TYW3: variants seen among roughly 807,000 people sequenced by gnomAD.
The protein encoded by TYW3 is tRNA-yW synthesizing protein 3 homolog.
In TYW3, 26 loss-of-function variants were observed where a neutral mutation model predicts 23.1. The observed-to-expected ratio is 1.13, with a 90% CI of 0.83 to 1.56. The LOEUF (loss-of-function observed/expected upper bound fraction) is 1.56, where lower values mean the gene tolerates loss of function less well. TYW3 is among the 40% of genes most tolerant of loss of function. The pLI is 0.00. For missense variants in TYW3, 316 were observed against 311.9 expected, an observed-to-expected ratio of 1.01 and a Z score of -0.10; for synonymous variants, 102 against 105.7, an observed-to-expected ratio of 0.97 and a Z score of 0.21.
At chr1:74,759,619 C>G (rs540729172) in intron 5 of TYW3, among the ~76,000 whole-genome samples, 1 of 152,058 alleles carries the variant, frequency 6.6e-6, no homozygotes, top group African/African-American at 2.4e-5. Flanking sequence ...TTACCACCCC[C>G]CTATGTAGTT....
chr1:74,738,623 A>T lies in TYW3; in HGVS notation c.256-67A>T, dbSNP rs540240280. 252 of 1,035,064 alleles carry T rather than the reference A, an allele frequency of 2.4e-4. No homozygotes were observed. The African/African-American group carries it at 3.8e-3, about 16-fold the overall frequency. 64.1% of individuals were successfully genotyped at this position (1,035,064 alleles called of 1,614,324 possible). A position where few individuals can be genotyped will look rare whatever the true frequency, so the allele number is the denominator to read the frequency against. On this transcript the variant is annotated intron_variant, in intron 2 of 5. Transcript: ENST00000370867. The stretch of plus-strand genomic sequence containing the variant: ...TTTCTAAGAGAAATTGAAGTTATGT[A>T]TGGGGTAAAGGGTCGCCAAAGGACA...
At chr1:74,736,192 T>A (rs1331754870) in intron 1 of TYW3, 3 of 157,446 alleles carry the variant, frequency 1.9e-5, no homozygotes, top group African/African-American at 7.2e-5. Context: ...TAAAATTATT[T>A]TTTTTTCATT....
intron 2 of TYW3, among the ~76,000 whole-genome samples, chr1:74,737,697 C>T (rs372974178): frequency 5.9e-5 from 9 of 152,170 alleles, no homozygotes; most frequent in African/African-American, 1.4e-4. Context: ...CAGACTACGC[C>T]GCAGGATACA....
At chr1:74,749,245 C>T (rs1648693602) in intron 4 of TYW3, among the ~76,000 whole-genome samples, 1 of 152,184 alleles carries the variant, frequency 6.6e-6, no homozygotes, top group African/African-American at 2.4e-5. Flanking sequence ...TAACTACTGT[C>T]GTAGGGCCAC....
chr1:74,742,380 T>C (rs1557743687), intron 3 of TYW3, among the ~76,000 whole-genome samples: 1 of 152,204 alleles, frequency 6.6e-6, no homozygotes, highest in Non-Finnish European at 1.5e-5. Context: ...TTCCACTGGC[T>C]GGCTTTGGGT....
chr1:74,736,906 G>C (rs1648175205), intron 2 of TYW3, among the ~76,000 whole-genome samples: 1 of 152,180 alleles, frequency 6.6e-6, no homozygotes, highest in African/African-American at 2.4e-5. Context: ...TTTTAATTCT[G>C]CTATTTGAAA....
chr1:74,760,026 A>G (rs72973628), intron 5 of TYW3, among the ~76,000 whole-genome samples: 4,709 of 152,328 alleles, frequency 0.031, 250 homozygotes, highest in African/African-American at 0.11. Context: ...TAAGCAGTTG[A>G]TTAGCACATG....
chr1:74,763,721 T>TAAAG (rs1438409260), intron 5 of TYW3, among the ~76,000 whole-genome samples, 173 bp from the exon 6 acceptor site: 1 of 152,144 alleles, frequency 6.6e-6, no homozygotes, highest in African/African-American at 2.4e-5. Flanking sequence ...GGGCTGTTCT[T>TAAAG]AAAGAACTGA....
At chr1:74,739,835 A>C (rs1338980260) in intron 3 of TYW3, among the ~76,000 whole-genome samples, 2 of 152,230 alleles carry the variant, frequency 1.3e-5, no homozygotes, top group African/African-American at 4.8e-5. Context: ...GTAAGGTGAT[A>C]GCACCAAAGC....
Position 74,766,233 on chromosome 1 carries a change from T to A in TYW3, c.*2120T>A, listed in dbSNP as rs1170376206. ...TTACTGGTTTGTGTCTTTGCTATGCTTTTTATCATTATTTTAGGGTATACT... is the reference window on the plus strand; with the variant it reads ...TTACTGGTTTGTGTCTTTGCTATGCATTTTATCATTATTTTAGGGTATACT... On this transcript the variant is annotated 3_prime_UTR_variant, in exon 6 of 6. Coordinates refer to ENST00000370867, the MANE Select transcript of TYW3 (RefSeq NM_138467.3). The A allele has an allele frequency of 3.3e-5, 5 of 152,126 alleles. No homozygotes were observed. The highest frequency in any genetic ancestry group is 1.2e-4 in the African/African-American group (5 of 41,444). The allele number at this position is 152,126 out of a possible 1,614,324, so 9.4% of individuals were successfully genotyped here.
In TYW3 at chr1:74,733,345, T is replaced by A; in HGVS notation, c.101T>A (p.Val34Glu). 6.2e-7 allele frequency: 1 copy of A among 1,614,216 alleles called. No individual in the cohort carries two copies. The highest frequency in any genetic ancestry group is 2.2e-5 in the East Asian group (1 of 44,878). The change falls in exon 1 of 6, where the codon GTG becomes GAG. Residue 34 changes from valine (V) to glutamate (E), a missense_variant. By Grantham distance (121) the Val-to-Glu change is moderately radical. Transcript: ENST00000370867. ...GSVDEDVVEL[V>E]QFLNMRDQFF... ...GTTGACGAGGATGTGGTAGAGCTTG[T>A]GCAGTTTCTGAACATGCGAGATCAG...
chr1:74,738,566 T>G, intron 2 of TYW3, 124 bp from the exon 3 acceptor site: 1 of 538,086 alleles, frequency 1.9e-6, no homozygotes, highest in Non-Finnish European at 3.1e-6. Flanking sequence ...GAAAAGTTAC[T>G]GCAGAAAAAA....
intron 5 of TYW3, among the ~76,000 whole-genome samples, chr1:74,760,459 T>C (rs1173200962): frequency 6.6e-6 from 1 of 152,234 alleles, no homozygotes; most frequent in Non-Finnish European, 1.5e-5. Context: ...CATGCCCCCA[T>C]CTTTTTTCCT....
At chr1:74,758,091 GAGTA>G (rs1458033593) in intron 5 of TYW3, among the ~76,000 whole-genome samples, 1 of 152,226 alleles carries the variant, frequency 6.6e-6, no homozygotes, top group Non-Finnish European at 1.5e-5. Flanking sequence ...GAAGATGAGA[GAGTA>G]AGAATTTCTG....
chr1:74,748,640 T>A (rs1648670657), intron 3 of TYW3, 111 bp from the exon 4 acceptor site: 9 of 1,144,278 alleles, frequency 7.9e-6, no homozygotes, highest in South Asian at 1.4e-5. Context: ...AAAATTTTTT[T>A]AAAAACCTTA....
Position 74,766,339 on chromosome 1 carries a change from G to A in TYW3, c.*2226G>A, listed in dbSNP as rs1406964806. 1 of 152,058 alleles carries A rather than the reference G, an allele frequency of 6.6e-6. No homozygotes were observed. Among genetic ancestry groups the A allele is most frequent in the Non-Finnish European group, 1.5e-5 (1 of 68,024 alleles). 9.4% of individuals were successfully genotyped at this position (152,058 alleles called of 1,614,324 possible). A position where few individuals can be genotyped will look rare whatever the true frequency, so the allele number is the denominator to read the frequency against. On this transcript the variant is annotated 3_prime_UTR_variant, in exon 6 of 6. Transcript: ENST00000370867. ...GAAGAAGGCATTGTTATCATAGAAG[G>A]TGACAGCTTCATGTGTGTTATTGCC...
intron 3 of TYW3, among the ~76,000 whole-genome samples, chr1:74,741,436 G>A (rs1648359181): frequency 1.3e-5 from 2 of 151,956 alleles, no homozygotes; most frequent in Admixed American, 1.3e-4. Context: ...ATTTAACTGG[G>A]GTGTGGTGAA....
intron 5 of TYW3, among the ~76,000 whole-genome samples, chr1:74,760,183 G>A (rs529180380): frequency 3.3e-5 from 5 of 152,178 alleles, no homozygotes; most frequent in South Asian, 2.1e-4. Flanking sequence ...TGTCTTCATC[G>A]TCTTCACCTT....
rs955337295 is a variant in TYW3 at position 74,764,901 on chromosome 1, G to C, written c.*788G>C. ...CAGTGATGGGGAATAGTCCAGAAAGGCTGAAACACAGCATGTGATGCGAGT... is the reference window on the plus strand; with the variant it reads ...CAGTGATGGGGAATAGTCCAGAAAGCCTGAAACACAGCATGTGATGCGAGT... On this transcript the variant is annotated 3_prime_UTR_variant, in exon 6 of 6. Transcript: ENST00000370867. The C allele has an allele frequency of 6.6e-6, 1 of 152,204 alleles. No homozygotes were observed. The highest frequency in any genetic ancestry group is 1.5e-5 in the Non-Finnish European group (1 of 68,064). The allele number at this position is 152,204 out of a possible 1,614,324, so 9.4% of individuals were successfully genotyped here. A position where few individuals can be genotyped will look rare whatever the true frequency, so the allele number is the denominator to read the frequency against.
Sources: allele counts gnomAD v4.1 joint callset (sites outside exome capture counted in the v4.1 genomes callset), GRCh38; gene constraint gnomAD v4.1.1; transcripts MANE v1.5; gene names NCBI Gene and HGNC (gene_info 2026-07-23, HGNC 2026-07-21).